DLG2: variants seen among roughly 807,000 people sequenced by gnomAD.
The protein encoded by DLG2 is discs large MAGUK scaffold protein 2, also known as disks large homolog 2.
DLG2 carries 45 observed loss-of-function variants against 132.5 expected under a neutral mutation model. That is an observed-to-expected ratio of 0.34 (90% CI 0.27 to 0.44). The LOEUF (loss-of-function observed/expected upper bound fraction) is 0.44. Among genes scored for constraint, DLG2 ranks in the 20% least tolerant of loss-of-function variants. The pLI is 1.00. For missense variants in DLG2, 1,045 were observed against 1,196.9 expected, an observed-to-expected ratio of 0.87 and a Z score of 1.87; for synonymous variants, 424 against 419.6, an observed-to-expected ratio of 1.01 and a Z score of -0.13.
intron 21 of DLG2, among the ~76,000 whole-genome samples, chr11:83,500,019 A>G (rs988215473): frequency 6.6e-6 from 1 of 150,656 alleles, no homozygotes; most frequent in Non-Finnish European, 1.5e-5. Context: ...ATAATGATCT[A>G]TTCTTTAATA....
At chr11:83,510,689 T>A (rs2094959977) in intron 21 of DLG2, among the ~76,000 whole-genome samples, 1 of 152,064 alleles carries the variant, frequency 6.6e-6, no homozygotes, top group South Asian at 2.1e-4. Flanking sequence ...GTGTCTCCCA[T>A]CTAAATATTT....
intron 7 of DLG2, among the ~76,000 whole-genome samples, chr11:84,308,461 C>T (rs1303052743): frequency 6.6e-6 from 1 of 152,202 alleles, no homozygotes; most frequent in Non-Finnish European, 1.5e-5. Context: ...CAAGTCCCCA[C>T]CAGAGTCAGG....
intron 2 of DLG2, among the ~76,000 whole-genome samples, chr11:85,621,325 G>T (rs892281198): frequency 1.3e-5 from 2 of 152,118 alleles, no homozygotes; most frequent in African/African-American, 4.8e-5. Flanking sequence ...TTGTTTTCAT[G>T]CCTGCTAATA....
At chr11:84,927,630 T>A (rs1288392732) in intron 6 of DLG2, among the ~76,000 whole-genome samples, 1 of 152,050 alleles carries the variant, frequency 6.6e-6, no homozygotes, top group Non-Finnish European at 1.5e-5. Flanking sequence ...CATAAATATC[T>A]ACTTAAACAG....
chr11:84,123,610 GTTA>G (rs571743773), intron 9 of DLG2, among the ~76,000 whole-genome samples: 11 of 152,080 alleles, frequency 7.2e-5, no homozygotes, highest in Non-Finnish European at 1.3e-4. Flanking sequence ...GTAGTAAATT[GTTA>G]TTCAGAGTCT....
At chr11:84,700,840 T>A (rs1234522726) in intron 6 of DLG2, among the ~76,000 whole-genome samples, 1 of 151,654 alleles carries the variant, frequency 6.6e-6, no homozygotes, top group East Asian at 1.9e-4. Context: ...ATCAGTTGGT[T>A]TCTGGCTACC....
chr11:83,890,336 T>G (rs968207850), intron 15 of DLG2, among the ~76,000 whole-genome samples: 2 of 152,072 alleles, frequency 1.3e-5, no homozygotes, highest in African/African-American at 4.8e-5. Context: ...GTTTTTTTTT[T>G]GGAAAAAAGG....
chr11:84,191,355 T>C (rs2096404758), intron 8 of DLG2, among the ~76,000 whole-genome samples: 2 of 152,220 alleles, frequency 1.3e-5, no homozygotes, highest in Non-Finnish European at 2.9e-5. Flanking sequence ...CTGAGTCTAC[T>C]GTATATGACT....
At chr11:83,953,420 A>G (rs1433626246) in intron 14 of DLG2, among the ~76,000 whole-genome samples, 1 of 152,188 alleles carries the variant, frequency 6.6e-6, no homozygotes, top group Non-Finnish European at 1.5e-5. Context: ...CGAAGGATCT[A>G]GGTCGCATGC....
intron 7 of DLG2, among the ~76,000 whole-genome samples, chr11:84,433,504 T>A (rs2098991031): frequency 6.6e-6 from 1 of 152,256 alleles, no homozygotes; most frequent in Non-Finnish European, 1.5e-5. Context: ...ATTATTTGAA[T>A]GGAGGTATTC....
chr11:83,970,065 A>G (rs142839258), intron 12 of DLG2, among the ~76,000 whole-genome samples: 205 of 152,286 alleles, frequency 1.3e-3, no homozygotes, highest in African/African-American at 4.6e-3. Context: ...AGAAGTCAAT[A>G]ATAATTAAAA....
intron 25 of DLG2, among the ~76,000 whole-genome samples, chr11:83,468,116 G>T (rs1332419353): frequency 4.0e-5 from 6 of 151,856 alleles, no homozygotes; most frequent in Non-Finnish European, 7.4e-5. Context: ...CTTTATGCAA[G>T]AAGAGAAAAA....
intron 8 of DLG2, among the ~76,000 whole-genome samples, chr11:84,231,659 AACTCTGAAAT>A (rs1160379318): frequency 6.6e-6 from 1 of 152,152 alleles, no homozygotes; most frequent in East Asian, 1.9e-4. Flanking sequence ...CACCAGTAAA[AACTCTGAAAT>A]ATCATACTAG....
chr11:84,844,854 T>C (rs934071362), intron 6 of DLG2, among the ~76,000 whole-genome samples: 1 of 152,186 alleles, frequency 6.6e-6, no homozygotes, highest in African/African-American at 2.4e-5. Flanking sequence ...TTTGGTTATA[T>C]CATTTAATGT....
intron 7 of DLG2, among the ~76,000 whole-genome samples, chr11:84,335,927 A>G (rs951699359): frequency 2.0e-5 from 3 of 152,190 alleles, no homozygotes; most frequent in African/African-American, 7.2e-5. Context: ...ACAGGGCTGG[A>G]TTAAGAAATT....
chr11:84,625,216 T>C (rs1438641510), intron 6 of DLG2, among the ~76,000 whole-genome samples: 2 of 152,048 alleles, frequency 1.3e-5, no homozygotes, highest in Non-Finnish European at 2.9e-5. Flanking sequence ...GAATGAAACA[T>C]CTAAAATTTC....
chr11:85,149,710 C>G (rs1469427543), intron 5 of DLG2, among the ~76,000 whole-genome samples: 1 of 151,792 alleles, frequency 6.6e-6, no homozygotes, highest in Non-Finnish European at 1.5e-5. Flanking sequence ...GCTTTAGAGA[C>G]AACAAAAAAA....
intron 3 of DLG2, among the ~76,000 whole-genome samples, chr11:85,479,561 A>G (rs2093235700): frequency 6.6e-6 from 1 of 152,366 alleles, no homozygotes; most frequent in East Asian, 1.9e-4. Context: ...TATAAAAAAT[A>G]GAAAACGGAT....
intron 4 of DLG2, among the ~76,000 whole-genome samples, chr11:85,245,827 C>A (rs1414909895): frequency 6.6e-6 from 1 of 151,894 alleles, no homozygotes; most frequent in Non-Finnish European, 1.5e-5. Context: ...CAATGTCCTC[C>A]CTGCTTTTCC....
Sources: allele counts gnomAD v4.1 joint callset (sites outside exome capture counted in the v4.1 genomes callset), GRCh38; gene constraint gnomAD v4.1.1; transcripts MANE v1.5; gene names NCBI Gene and HGNC (gene_info 2026-07-23, HGNC 2026-07-21).